Variants in IL34 observed in about 807,000 individuals in gnomAD.
IL34 encodes interleukin-34.
IL34 carries 17 observed loss-of-function variants against 25.3 expected under a neutral mutation model. The ratio of observed to expected loss-of-function variants is 0.67; its 90% confidence interval spans 0.46 to 1.01. The LOEUF (loss-of-function observed/expected upper bound fraction) is 1.01, where lower values mean the gene tolerates loss of function less well. IL34 is among the 50% of genes least tolerant of loss of function. IL34 has a pLI of 0.00. For synonymous variants in IL34, 174 were observed against 140.9 expected (o/e 1.23, Z -1.66); for missense variants, 368 against 312.9 (o/e 1.18, Z -1.33).
intron 1 of IL34, among the ~76,000 whole-genome samples, chr16:70,598,861 A>G (rs2050863481): frequency 6.6e-6 from 1 of 152,230 alleles, no homozygotes; most frequent in African/African-American, 2.4e-5. Context: ...GCTCTAAGGC[A>G]GTGTTTCAGC....
At chr16:70,621,137 G>T (rs1349200275) in intron 1 of IL34, among the ~76,000 whole-genome samples, 1 of 152,044 alleles carries the variant, frequency 6.6e-6, no homozygotes. Flanking sequence ...GGGGTTGAGG[G>T]GTACTTGCCC....
intron 1 of IL34, among the ~76,000 whole-genome samples, chr16:70,588,193 T>C (rs1020078230): frequency 2.0e-5 from 3 of 151,442 alleles, no homozygotes; most frequent in Non-Finnish European, 2.9e-5. Context: ...CTGAAAAAAT[T>C]AACAAGTAGA....
chr16:70,630,964 G>A (rs892136707), intron 1 of IL34, among the ~76,000 whole-genome samples: 8 of 152,096 alleles, frequency 5.3e-5, no homozygotes, highest in Admixed American at 2.0e-4. Context: ...TGGGAGTGCC[G>A]ATATGTCTTC....
chr16:70,631,919 G>T (rs1409925653), intron 1 of IL34, among the ~76,000 whole-genome samples: 1 of 139,444 alleles, frequency 7.2e-6, no homozygotes, highest in Non-Finnish European at 1.6e-5. Context: ...GCAAAACCCT[G>T]TCTCTACAAA....
At chr16:70,624,555 C>T (rs1051831692) in intron 1 of IL34, among the ~76,000 whole-genome samples, 10 of 152,234 alleles carry the variant, frequency 6.6e-5, no homozygotes, top group South Asian at 4.1e-4. Flanking sequence ...CTCAAGGTTG[C>T]AGCCAAACAA....
At chr16:70,625,551 C>A (rs1006267513) in intron 1 of IL34, among the ~76,000 whole-genome samples, 2 of 152,006 alleles carry the variant, frequency 1.3e-5, no homozygotes, top group Non-Finnish European at 2.9e-5. Flanking sequence ...CCCAGAAAAG[C>A]GGGACTTGCT....
At chr16:70,580,196 T>C (rs951198531) in intron 1 of IL34, 6 of 152,258 alleles carry the variant, frequency 3.9e-5, no homozygotes, top group Admixed American at 2.6e-4. Context: ...CCAGCCAAGA[T>C]GCTCTGAAGT....
At chr16:70,651,285 G>C (rs2052072388) in intron 1 of IL34, among the ~76,000 whole-genome samples, 1 of 152,174 alleles carries the variant, frequency 6.6e-6, no homozygotes, top group African/African-American at 2.4e-5. Flanking sequence ...GGATGATCTT[G>C]ACCTGCAAGA....
chr16:70,653,535 C>A (rs569115190), intron 1 of IL34, among the ~76,000 whole-genome samples: 1 of 151,872 alleles, frequency 6.6e-6, no homozygotes, highest in African/African-American at 2.4e-5. Flanking sequence ...CAGGTCTCTA[C>A]AAAAAATACA....
intron 1 of IL34, among the ~76,000 whole-genome samples, chr16:70,599,319 TTCTTTCTTTCTCTCTTTCTTTCTC>T (rs756361808): frequency 1.8e-5 from 2 of 111,054 alleles, no homozygotes; most frequent in South Asian, 3.9e-4. Context: ...TTTCTTTCTT[TTCTTTCTTTCTCTCTTTCTTTCTC>T]TCTTTCTTTC....
intron 2 of IL34, among the ~76,000 whole-genome samples, chr16:70,656,227 TCTC>T (rs1013508979): frequency 6.6e-6 from 1 of 152,172 alleles, no homozygotes; most frequent in African/African-American, 2.4e-5. Context: ...CCCTGAGTTC[TCTC>T]CTCCTACATC....
At chr16:70,582,133 A>G (rs779951169) in intron 1 of IL34, among the ~76,000 whole-genome samples, 1 of 152,218 alleles carries the variant, frequency 6.6e-6, no homozygotes, top group Non-Finnish European at 1.5e-5. Context: ...ACCCAGCTTC[A>G]TCGTAACTAG....
In IL34 at chr16:70,631,994, G is replaced by C. The variant is rs2051529302; in HGVS notation, c.-400-14554G>C. Among the ~76,000 whole-genome samples the C allele has an allele frequency of 2.0e-5, 3 of 151,934 alleles. No individual in the cohort carries two copies. In the South Asian group the frequency reaches 6.2e-4, roughly 32 times the overall value. On this transcript the variant is annotated intron_variant, in intron 1 of 6. Transcript: ENST00000429149. ...TGTGTACCTGTAATCCCAGCTACTT[G>C]GGAGGCTGAGGTAGGAGGATTACCT...
intron 1 of IL34, among the ~76,000 whole-genome samples, chr16:70,612,825 G>A (rs12325412): frequency 0.052 from 7,906 of 152,170 alleles, 698 homozygotes; most frequent in African/African-American, 0.18. Context: ...TCACTCTATT[G>A]CCCAGGGTGG....
intron 1 of IL34, among the ~76,000 whole-genome samples, chr16:70,594,878 T>C (rs962069947): frequency 6.6e-6 from 1 of 151,790 alleles, no homozygotes; most frequent in Non-Finnish European, 1.5e-5. Context: ...CAGATTCATA[T>C]CAAATATTCT....
At chr16:70,648,054 G>A (rs917647110) in intron 1 of IL34, among the ~76,000 whole-genome samples, 3 of 152,132 alleles carry the variant, frequency 2.0e-5, no homozygotes, top group Admixed American at 6.5e-5. Context: ...GTTTGGACCC[G>A]GCTGGCTGAG....
intron 1 of IL34, among the ~76,000 whole-genome samples, chr16:70,586,080 C>T (rs951315607): frequency 2.0e-5 from 3 of 152,156 alleles, no homozygotes; most frequent in Non-Finnish European, 2.9e-5. Flanking sequence ...GATCTGCCTG[C>T]TTTGGCCTCC....
intron 1 of IL34, among the ~76,000 whole-genome samples, chr16:70,617,582 C>A (rs1030698216): frequency 2.0e-5 from 3 of 152,038 alleles, no homozygotes; most frequent in Non-Finnish European, 4.4e-5. Context: ...GGCTGTACCC[C>A]CTGTAGCATT....
intron 1 of IL34, among the ~76,000 whole-genome samples, chr16:70,628,729 C>T (rs981389747): frequency 2.6e-5 from 4 of 151,440 alleles, no homozygotes; most frequent in African/African-American, 9.7e-5. Context: ...TTAATTGATC[C>T]ACCCGCCTTG....
Sources: allele counts gnomAD v4.1 joint callset (sites outside exome capture counted in the v4.1 genomes callset), GRCh38; gene constraint gnomAD v4.1.1; transcripts MANE v1.5; gene names NCBI Gene and HGNC (gene_info 2026-07-23, HGNC 2026-07-21).